LTBP1: variants seen among roughly 807,000 people sequenced by gnomAD.
LTBP1 encodes latent-transforming growth factor beta-binding protein 1.
LTBP1 carries 129 observed loss-of-function variants against 207.6 expected under a neutral mutation model. That is an observed-to-expected ratio of 0.62 (90% confidence interval 0.54 to 0.72). The LOEUF is 0.72. Among genes scored for constraint, LTBP1 ranks in the 30% least tolerant of loss-of-function variants. The probability of loss-of-function intolerance (pLI) is 0.00; values close to 1 mark genes in which losing one functional copy is unlikely to be tolerated. For missense variants in LTBP1, 2,281 were observed against 2,217.2 expected (o/e 1.03, Z -0.58); for synonymous variants, 963 against 833.7 (o/e 1.16, Z -2.67).
chr2:33,237,266 G>T (rs2092095488), intron 9 of LTBP1, among the ~76,000 whole-genome samples: 1 of 152,050 alleles, frequency 6.6e-6, no homozygotes, highest in Non-Finnish European at 1.5e-5. Context: ...TTTGCCAAAG[G>T]ACTCTTCGGG....
chr2:32,963,713 G>T (rs1679502826), intron 2 of LTBP1, among the ~76,000 whole-genome samples: 2 of 152,084 alleles, frequency 1.3e-5, no homozygotes, highest in South Asian at 4.2e-4. Flanking sequence ...GTGGTTCCAG[G>T]ACCTCCTACA....
Position 33,316,605 on chromosome 2 carries a change from G to A in LTBP1, c.3730+1336G>A, listed in dbSNP as rs114329540. Among the ~76,000 whole-genome samples the A allele has an allele frequency of 5.3e-3, 809 of 152,274 alleles. 10 individuals are homozygous for A. Among genetic ancestry groups the A allele is most frequent in the African/African-American group, 0.019 (775 of 41,552 alleles). ...CAGATTGAGGGGTTTGGAAGGGATA[G>A]GAAGTTGGGAAATGGAAGAAAGCAT... On this transcript the variant is annotated intron_variant, in intron 24 of 33. Transcript: ENST00000404816.
intron 3 of LTBP1, among the ~76,000 whole-genome samples, chr2:33,098,867 G>A (rs2079547581): frequency 6.6e-6 from 1 of 152,156 alleles, no homozygotes; most frequent in South Asian, 2.1e-4. Flanking sequence ...GTATATATGG[G>A]AACTGTAGAG....
At chr2:33,364,383 T>C (rs1245150526) in intron 30 of LTBP1, 27 bp downstream of exon 30, 1 of 1,588,674 alleles carries the variant, frequency 6.3e-7, no homozygotes, top group Non-Finnish European at 8.5e-7. Flanking sequence ...TGCAAACCTG[T>C]GTCCAAATAA....
chr2:33,095,592 G>A (rs2079339514), intron 3 of LTBP1, among the ~76,000 whole-genome samples: 1 of 152,128 alleles, frequency 6.6e-6, no homozygotes, highest in Non-Finnish European at 1.5e-5. Flanking sequence ...TTGACTCATA[G>A]AGAAGAGATA....
chr2:33,348,517 T>C (rs2094735049), intron 26 of LTBP1, among the ~76,000 whole-genome samples: 1 of 152,134 alleles, frequency 6.6e-6, no homozygotes, highest in South Asian at 2.1e-4. Flanking sequence ...GAAGAGACTT[T>C]TCATTTTAAT....
chr2:33,211,110 CAATT>C lies in LTBP1; in HGVS notation c.1702-6438_1702-6435del, dbSNP rs368868917. On this transcript the variant is annotated intron_variant, in intron 7 of 33. Transcript: ENST00000404816. ...ATGAGTTATATACATGTAATGAAGA[CAATT>C]AATAAGAGTATTTCAGTTTATCATT... 8.8e-3 allele frequency among the ~76,000 whole-genome samples: 1,344 copies of C among 152,152 alleles called. 19 individuals are homozygous for C. Among genetic ancestry groups the C allele is most frequent in the Middle Eastern group, 0.037 (11 of 294 alleles).
intron 22 of LTBP1, among the ~76,000 whole-genome samples, chr2:33,301,961 C>T (rs984928092): frequency 6.6e-6 from 1 of 152,220 alleles, no homozygotes; most frequent in Non-Finnish European, 1.5e-5. Context: ...TTATGCAGAA[C>T]CAACTTCTAA....
At position 33,188,673 on chromosome 2, in the gene LTBP1, G is replaced by T. The variant is rs778304385; in HGVS notation, c.1523G>T (p.Gly508Val). 3 of 1,613,926 alleles carry T rather than the reference G, an allele frequency of 1.9e-6. No homozygotes were observed. The highest frequency in any genetic ancestry group is 1.7e-5 in the Admixed American group (1 of 59,994). ...GTTTCAAGAATTGATGGCCCAACAGGCCAGAAGACAAAAGAAGCTCAACCA... is the reference window on the plus strand; with the variant it reads ...GTTTCAAGAATTGATGGCCCAACAGTCCAGAAGACAAAAGAAGCTCAACCA... ...HQVSRIDGPT[G>V]QKTKEAQPGQ... Residue 508 changes from glycine to valine, a missense_variant, in exon 7 of 34, where the codon GGC becomes GTC. Around this residue, in one of 3 missense-constraint regions of LTBP1, gnomAD observed 1,671 missense variants for 1,634.8 expected, o/e 1.02. Coordinates refer to ENST00000404816, the MANE Select transcript of LTBP1 (RefSeq NM_206943.4).
At chr2:33,083,184 C>A (rs892966216) in intron 3 of LTBP1, among the ~76,000 whole-genome samples, 1 of 151,880 alleles carries the variant, frequency 6.6e-6, no homozygotes, top group African/African-American at 2.4e-5. Flanking sequence ...ACATGAGAAC[C>A]ATTTCCCATC....
intron 3 of LTBP1, among the ~76,000 whole-genome samples, chr2:33,053,026 A>G (rs1442402889): frequency 1.3e-5 from 2 of 151,892 alleles, no homozygotes; most frequent in Admixed American, 6.6e-5. Context: ...GCATACCACC[A>G]CACCCAGCTA....
chr2:33,036,667 A>G (rs1174816234), intron 3 of LTBP1, among the ~76,000 whole-genome samples: 2 of 152,270 alleles, frequency 1.3e-5, no homozygotes. Flanking sequence ...CATGTTGGCC[A>G]GTCTGGTCTT....
chr2:33,095,546 C>T (rs2079337187), intron 3 of LTBP1, among the ~76,000 whole-genome samples: 1 of 152,054 alleles, frequency 6.6e-6, no homozygotes, highest in South Asian at 2.1e-4. Flanking sequence ...TCATGAAATA[C>T]TGTACCTAAT....
intron 24 of LTBP1, 50 bp downstream of exon 24, chr2:33,315,319 A>T: frequency 1.2e-6 from 2 of 1,604,352 alleles, no homozygotes; most frequent in South Asian, 2.2e-5. Context: ...AAGAGAGAGG[A>T]GATTGCTTTC....
chr2:33,275,948 A>C, intron 18 of LTBP1, 25 bp downstream of exon 18: 1 of 1,553,038 alleles, frequency 6.4e-7, no homozygotes, highest in Non-Finnish European at 8.7e-7. Context: ...AGTGTTCAGC[A>C]CACATGACGG....
chr2:32,985,121 A>G (rs1284923136), intron 2 of LTBP1, among the ~76,000 whole-genome samples: 3 of 152,232 alleles, frequency 2.0e-5, no homozygotes, highest in Non-Finnish European at 4.4e-5. Flanking sequence ...CGATATAACT[A>G]CTAGTATTAA....
Position 33,341,725 on chromosome 2 carries a change from A to T in LTBP1, c.3731-1113A>T, listed in dbSNP as rs1222282330. On this transcript the variant is annotated intron_variant, in intron 24 of 33. Transcript: ENST00000404816. ...GACTCCGTCTCACTCAAAAAAAAAA[A>T]AAAAATATATATATATATATGTATA... Among the ~76,000 whole-genome samples the T allele has an allele frequency of 1.0e-3, 95 of 93,194 alleles. 1 individual carries two copies. The highest frequency in any genetic ancestry group is 1.6e-3 in the African/African-American group (27 of 16,890). The allele number at this position is 93,194 out of a possible 152,430, so 61.1% of individuals were successfully genotyped here. A position where few individuals can be genotyped will look rare whatever the true frequency, so the allele number is the denominator to read the frequency against.
At chr2:33,273,161 T>A (rs561530318) in intron 15 of LTBP1, among the ~76,000 whole-genome samples, 1 of 152,210 alleles carries the variant, frequency 6.6e-6, no homozygotes, top group African/African-American at 2.4e-5. Context: ...TTTGGGGGGA[T>A]TAATGATAAA....
intron 5 of LTBP1, among the ~76,000 whole-genome samples, chr2:33,145,768 T>A (rs897014078): frequency 2.0e-5 from 3 of 152,334 alleles, no homozygotes; most frequent in South Asian, 2.1e-4. Context: ...CAAAATTGTG[T>A]ACTTGGTAAA....
Sources: gnomAD v4.1 joint callset for allele counts (sites outside exome capture counted in the v4.1 genomes callset) on GRCh38, gnomAD v4.1.1 for gene constraint, gnomAD v4.1.1 regional missense constraint, MANE v1.5 for transcripts, NCBI Gene and HGNC (gene_info 2026-07-23, HGNC 2026-07-21) for gene names.